The following ASAP1 variants were observed in gnomAD, a reference collection of about 807,000 sequenced individuals.
ASAP1 encodes ArfGAP with SH3 domain, ankyrin repeat and PH domain 1, also known as arf-GAP with SH3 domain, ANK repeat and PH domain-containing protein 1.
In ASAP1, 43 loss-of-function variants were observed where a neutral mutation model predicts 145.2. That is an observed-to-expected ratio of 0.30 (90% confidence interval 0.23 to 0.38). The LOEUF is 0.38. Among genes scored for constraint, ASAP1 ranks in the 10% least tolerant of loss-of-function variants. The probability of loss-of-function intolerance (pLI) is 1.00; values close to 1 mark genes in which losing one functional copy is unlikely to be tolerated. For missense variants in ASAP1, 1,018 were observed against 1,355.3 expected (o/e 0.75, Z 3.91); for synonymous variants, 546 against 515.5 (o/e 1.06, Z -0.80).
At chr8:130,387,909 T>C (rs768767826) in intron 2 of ASAP1, among the ~76,000 whole-genome samples, 1 of 152,202 alleles carries the variant, frequency 6.6e-6, no homozygotes, top group African/African-American at 2.4e-5. Context: ...AGTGACCTTG[T>C]CCATTAGGAG....
At chr8:130,341,646 G>A (rs559484735) in intron 3 of ASAP1, among the ~76,000 whole-genome samples, 47 of 152,182 alleles carry the variant, frequency 3.1e-4, no homozygotes, top group Non-Finnish European at 6.2e-4. Context: ...GGGAACCAGA[G>A]CATCACCTGA....
chr8:130,249,640 G>A (rs1819070911), intron 3 of ASAP1, among the ~76,000 whole-genome samples: 1 of 152,080 alleles, frequency 6.6e-6, no homozygotes, highest in South Asian at 2.1e-4. Flanking sequence ...CACCTGCCAG[G>A]TTATAATGAC....
intron 5 of ASAP1, among the ~76,000 whole-genome samples, chr8:130,197,368 G>T (rs1205459519): frequency 6.6e-6 from 1 of 152,230 alleles, no homozygotes; most frequent in African/African-American, 2.4e-5. Context: ...GGTTGAGGCT[G>T]CAGTGAGCTG....
At chr8:130,211,298 C>T (rs567533581) in intron 5 of ASAP1, among the ~76,000 whole-genome samples, 113 of 152,294 alleles carry the variant, frequency 7.4e-4, no homozygotes, top group African/African-American at 2.6e-3. Flanking sequence ...AGTCCTCAGA[C>T]GTATGGTTAA....
chr8:130,416,821 C>T (rs1448903035), intron 1 of ASAP1, among the ~76,000 whole-genome samples: 2 of 152,244 alleles, frequency 1.3e-5, no homozygotes, highest in Non-Finnish European at 2.9e-5. Context: ...CATGCCACAA[C>T]CACTGTGGGA....
chr8:130,279,547 C>T (rs570570531), intron 3 of ASAP1, among the ~76,000 whole-genome samples: 3 of 152,264 alleles, frequency 2.0e-5, no homozygotes, highest in East Asian at 1.9e-4. Context: ...TTGAAACAAG[C>T]GCAGGGTTCA....
intron 5 of ASAP1, among the ~76,000 whole-genome samples, chr8:130,212,791 A>T (rs558146453): frequency 6.6e-6 from 1 of 152,348 alleles, no homozygotes; most frequent in Non-Finnish European, 1.5e-5. Flanking sequence ...TGTGTATGGC[A>T]CATATACACA....
At chr8:130,289,052 G>A (rs1821789639) in intron 3 of ASAP1, among the ~76,000 whole-genome samples, 1 of 152,148 alleles carries the variant, frequency 6.6e-6, no homozygotes, top group South Asian at 2.1e-4. Flanking sequence ...TGGGCGTGGT[G>A]GCACACGCCT....
chr8:130,154,553 C>G (rs1188597037), intron 12 of ASAP1, among the ~76,000 whole-genome samples: 2 of 152,160 alleles, frequency 1.3e-5, no homozygotes, highest in African/African-American at 4.8e-5. Flanking sequence ...GCTGTGGAAA[C>G]AAATGACATC....
intron 24 of ASAP1, among the ~76,000 whole-genome samples, chr8:130,099,440 A>G (rs1000380557): frequency 1.8e-4 from 28 of 151,994 alleles, no homozygotes; most frequent in African/African-American, 6.0e-4. Flanking sequence ...GTGGCCTCCA[A>G]AAGTGCTGGG....
chr8:130,220,391 A>G (rs1475815820), intron 4 of ASAP1, among the ~76,000 whole-genome samples: 1 of 152,222 alleles, frequency 6.6e-6, no homozygotes, highest in Admixed American at 6.5e-5. Context: ...CTAACAGTCC[A>G]TGAGATAAGT....
intron 3 of ASAP1, among the ~76,000 whole-genome samples, chr8:130,330,932 T>C (rs1824646893): frequency 6.6e-6 from 1 of 152,222 alleles, no homozygotes; most frequent in South Asian, 2.1e-4. Context: ...CTTCCACTTC[T>C]AGCCTTTTTT....
intron 4 of ASAP1, among the ~76,000 whole-genome samples, chr8:130,226,688 A>G (rs943606194): frequency 1.3e-5 from 2 of 152,238 alleles, no homozygotes; most frequent in African/African-American, 4.8e-5. Flanking sequence ...AATCCATTAA[A>G]TAACAGAGCC....
intron 15 of ASAP1, among the ~76,000 whole-genome samples, chr8:130,129,239 A>G (rs2097579699): frequency 6.6e-6 from 1 of 152,166 alleles, no homozygotes; most frequent in Non-Finnish European, 1.5e-5. Context: ...TTTATAAATT[A>G]CCCAGTCTAC....
At chr8:130,352,009 A>T (rs961596622) in intron 3 of ASAP1, among the ~76,000 whole-genome samples, 3 of 152,216 alleles carry the variant, frequency 2.0e-5, no homozygotes, top group African/African-American at 7.2e-5. Flanking sequence ...TTTCATCCAG[A>T]CAAAACCTCA....
intron 3 of ASAP1, among the ~76,000 whole-genome samples, chr8:130,324,714 A>C (rs538858517): frequency 1.3e-5 from 2 of 152,214 alleles, no homozygotes; most frequent in Non-Finnish European, 2.9e-5. Context: ...AGGGCTGGGA[A>C]ATTTCAGTGG....
At chr8:130,104,986 T>G (rs2097534605) in intron 24 of ASAP1, among the ~76,000 whole-genome samples, 1 of 152,192 alleles carries the variant, frequency 6.6e-6, no homozygotes, top group African/African-American at 2.4e-5. Flanking sequence ...AAAAGTTATA[T>G]CTATCCAACT....
chr8:130,366,694 GTTAT>G (rs1452427362), intron 2 of ASAP1, among the ~76,000 whole-genome samples: 2 of 152,068 alleles, frequency 1.3e-5, no homozygotes, highest in African/African-American at 4.8e-5. Flanking sequence ...CCTTAGGCAA[GTTAT>G]TTAATTTAAA....
intron 15 of ASAP1, among the ~76,000 whole-genome samples, chr8:130,131,602 T>TG (rs1164145929): frequency 1.5e-4 from 9 of 59,772 alleles, no homozygotes; most frequent in Admixed American, 2.5e-4. Flanking sequence ...TCATGGCTAC[T>TG]GAAAAAAAAA....
Sources: allele counts gnomAD v4.1 joint callset (sites outside exome capture counted in the v4.1 genomes callset), GRCh38; gene constraint gnomAD v4.1.1; transcripts MANE v1.5; gene names NCBI Gene and HGNC (gene_info 2026-07-23, HGNC 2026-07-21).